ADAM11: variants seen among roughly 807,000 people sequenced by gnomAD.
The protein encoded by ADAM11 is ADAM metallopeptidase domain 11.
A neutral mutation model predicts 119.1 loss-of-function variants in ADAM11; 49 were observed. That is an observed-to-expected ratio of 0.41 (90% CI 0.33 to 0.52). The LOEUF is 0.52. ADAM11 is among the 20% of genes least tolerant of loss of function. The probability of loss-of-function intolerance (pLI) is 0.20; values close to 1 mark genes in which losing one functional copy is unlikely to be tolerated. For synonymous variants in ADAM11, 364 were observed against 408.0 expected, an observed-to-expected ratio of 0.89 and a Z score of 1.30; for missense variants, 777 against 1,047.5, an observed-to-expected ratio of 0.74 and a Z score of 3.56.
chr17:44,772,842 C>A lies in ADAM11; in HGVS notation c.679-15C>A. 2 of 1,612,456 alleles carry A rather than the reference C, an allele frequency of 1.2e-6. No homozygotes were observed. The highest frequency in any genetic ancestry group is 8.5e-7 in the Non-Finnish European group (1 of 1,178,798). On this transcript the variant is annotated splice_polypyrimidine_tract_variant and intron_variant, in intron 8 of 26. Coordinates refer to ENST00000200557, the MANE Select transcript of ADAM11 (RefSeq NM_002390.6). This position sits in a 1 kb window ranked among gnomAD's most constrained non-coding sequence, Gnocchi z 4.5. ...CATGGAAGGGACTGATTCCAAGTGC[C>A]CACCCACCCCCCAGGTCCGCCGGGG...
chr17:44,768,649 A>T lies in ADAM11; in HGVS notation c.238-1069A>T, dbSNP rs547494626. ...TTAGACCAGGGCCCGGCACACAAGA[A>T]GTGCTCGGTAAAGATTAGCAGTGAT... On this transcript the variant is annotated intron_variant, in intron 2 of 26. Coordinates refer to ENST00000200557, the MANE Select transcript of ADAM11 (RefSeq NM_002390.6). 3.9e-5 allele frequency among the ~76,000 whole-genome samples: 6 copies of T among 152,336 alleles called. 1 individual carries two copies. The South Asian group carries it at 1.2e-3, about 32-fold the overall frequency.
rs1598889113 is a variant in ADAM11 at position 44,772,174 on chromosome 17, T to G, written c.544-93T>G. The G allele has an allele frequency of 8.1e-7, 1 of 1,227,190 alleles. No homozygotes were observed. The highest frequency in any genetic ancestry group is 2.5e-5 in the East Asian group (1 of 39,462). 76.0% of individuals were successfully genotyped at this position (1,227,190 alleles called of 1,614,324 possible). On this transcript the variant is annotated intron_variant, in intron 6 of 26. Coordinates refer to ENST00000200557, the MANE Select transcript of ADAM11 (RefSeq NM_002390.6). The surrounding 1 kb of genome is among the most constrained non-coding windows in gnomAD (Gnocchi z 4.5). ...TGGCCAGTTCTGGGTCACCCCAGGG[T>G]GGGGTGGAGGCGAGGGCTGGATCTG... is the stretch of plus-strand genomic sequence containing the variant.
rs1163188741 is a variant in ADAM11 at position 44,771,625 on chromosome 17, G to A, written c.423G>A (p.Gly141=). The change falls in exon 5 of 27, where the codon GGG becomes GGA. Residue 141 remains glycine (G), a synonymous_variant. Transcript: ENST00000200557. ...DHCYYQGKLR[G]NPHSFAALST... Reference sequence around the variant, plus strand: ...GCTACTACCAGGGGAAGCTCCGGGGGAACCCGCACTCCTTCGCCGCCCTCT... The same window carrying A: ...GCTACTACCAGGGGAAGCTCCGGGGAAACCCGCACTCCTTCGCCGCCCTCT... The A allele has an allele frequency of 1.2e-6, 2 of 1,611,746 alleles. No homozygotes were observed. Among genetic ancestry groups the A allele is most frequent in the Non-Finnish European group, 1.7e-6 (2 of 1,179,390 alleles).
Position 44,781,587 on chromosome 17 carries a change from C to A in ADAM11, c.*1833C>A, listed in dbSNP as rs1005675286. The A allele has an allele frequency of 2.6e-5, 4 of 152,458 alleles. No homozygotes were observed. The highest frequency in any genetic ancestry group is 3.4e-3 in the Middle Eastern group (1 of 294). The allele number at this position is 152,458 out of a possible 1,614,324, so 9.4% of individuals were successfully genotyped here. A position where few individuals can be genotyped will look rare whatever the true frequency, so the allele number is the denominator to read the frequency against. On this transcript the variant is annotated 3_prime_UTR_variant, in exon 27 of 27. Transcript: ENST00000200557. The stretch of plus-strand genomic sequence containing the variant: ...AATACCTCTGCACATATGGGCGTAT[C>A]TGTGTGTGCTCGTGTATATGGGGTG...
At position 44,776,965 on chromosome 17, in the gene ADAM11, G is replaced by A. The variant is rs2049611632; in HGVS notation, c.1681+3G>A. The A allele has an allele frequency of 6.2e-7, 1 of 1,612,150 alleles. No individual in the cohort carries two copies. Among genetic ancestry groups the A allele is most frequent in the Non-Finnish European group, 8.5e-7 (1 of 1,178,426 alleles). On this transcript the variant is annotated splice_donor_region_variant and intron_variant, in intron 20 of 26. Transcript: ENST00000200557. The surrounding 1 kb of genome is among the most constrained non-coding windows in gnomAD (Gnocchi z 5.2). ...GTGCCAGGTTCTTTGGGGCCATGGT[G>A]AGTCTGGCTAGGGCTGGGAGTGGGG... is the stretch of plus-strand genomic sequence containing the variant.
rs1342384385 is a variant in ADAM11 at position 44,777,773 on chromosome 17, G to A, written c.1980G>A (p.Leu660=). ...EDGTACGPNM[L]CLDHRCLPAS... is the part of the protein sequence containing the mutation. ...GCACAGCCTGCGGGCCTAACATGTTGTGCCTGGACCATCGCTGCCTGCCAG... is the reference window on the plus strand; with the variant it reads ...GCACAGCCTGCGGGCCTAACATGTTATGCCTGGACCATCGCTGCCTGCCAG... Residue 660 remains leucine, a synonymous_variant, in exon 23 of 27, where the codon TTG becomes TTA. Transcript: ENST00000200557. The surrounding 1 kb of genome is among the most constrained non-coding windows in gnomAD (Gnocchi z 5.1). 6.2e-7 allele frequency: 1 copy of A among 1,614,032 alleles called. No individual in the cohort carries two copies. The highest frequency in any genetic ancestry group is 2.2e-5 in the East Asian group (1 of 44,878).
intron 4 of ADAM11, among the ~76,000 whole-genome samples, chr17:44,770,314 C>T (rs922954317): frequency 8.5e-5 from 13 of 152,170 alleles, no homozygotes; most frequent in African/African-American, 2.4e-5. Flanking sequence ...ACACTCGTTC[C>T]GAGCAGGCTG....
At chr17:44,779,322 C>T in intron 26 of ADAM11, 83 bp downstream of exon 26, 2 of 1,504,436 alleles carry the variant, frequency 1.3e-6, no homozygotes, top group Admixed American at 2.6e-5. Context: ...TCTCATTCGT[C>T]ACCCCGCGTT....
At position 44,771,785 on chromosome 17, in the gene ADAM11, A is replaced by T; in HGVS notation, c.497A>T (p.Tyr166Phe). 1 of 1,613,464 alleles carries T rather than the reference A, an allele frequency of 6.2e-7. No individual in the cohort carries two copies. Reference protein sequence around the residue: ...HGVFSDGNLTYIVEPQEVAGP... With the variant: ...HGVFSDGNLTFIVEPQEVAGP... ...GTCTTCTCTGATGGGAACTTGACTT[A>T]CATCGTGGAGCCCCAAGAGGTGGCT... Residue 166 changes from tyrosine to phenylalanine, a missense_variant, in exon 6 of 27, where the codon TAC becomes TTC. Tyr to Phe is a conservative substitution (Grantham distance 22). Transcript: ENST00000200557.
Position 44,775,615 on chromosome 17 carries a change from A to T in ADAM11, c.1424A>T (p.Lys475Met). 6.3e-7 allele frequency: 1 copy of T among 1,590,262 alleles called. No homozygotes were observed. Among genetic ancestry groups the T allele is most frequent in the Non-Finnish European group, 8.6e-7 (1 of 1,169,432 alleles). ...ECSRAGGNCC[K>M]KCTLTHDAMC... ...AGCCGCGCAGGTGGCAACTGCTGCA[A>T]GAAATGCACCCTGACTCACGACGCC... Residue 475 changes from lysine (K) to methionine (M), a missense_variant, in exon 17 of 27, where the codon AAG (lysine) becomes ATG (methionine). Physicochemically the swap from Lys to Met is moderately conservative, Grantham distance 95. Around this residue, in one of 4 missense-constraint regions of ADAM11, gnomAD observed 348 missense variants for 486.7 expected, o/e 0.72. Coordinates refer to ENST00000200557, the MANE Select transcript of ADAM11 (RefSeq NM_002390.6). The surrounding 1 kb of genome is among the most constrained non-coding windows in gnomAD (Gnocchi z 7.5).
rs1464212310 is a variant in ADAM11 at position 44,772,088 on chromosome 17, G to A, written c.544-179G>A. 6.6e-6 allele frequency among the ~76,000 whole-genome samples: 1 copy of A among 152,146 alleles called. No homozygotes were observed. The highest frequency in any genetic ancestry group is 2.4e-5 in the African/African-American group (1 of 41,436). On this transcript the variant is annotated intron_variant, in intron 6 of 26. Coordinates refer to ENST00000200557, the MANE Select transcript of ADAM11 (RefSeq NM_002390.6). This position sits in a 1 kb window ranked among gnomAD's most constrained non-coding sequence, Gnocchi z 4.5. Reference sequence around the variant, plus strand: ...GTCCTTTGCCCCTGTCTCTCAGGGTGCCCCCAGGTCTTGACCCCGGAATCT... The same window carrying A: ...GTCCTTTGCCCCTGTCTCTCAGGGTACCCCCAGGTCTTGACCCCGGAATCT...
Position 44,759,271 on chromosome 17 carries a change from C to T in ADAM11, c.61+11C>T, listed in dbSNP as rs1459816128. 4.3e-6 allele frequency: 6 copies of T among 1,388,502 alleles called. No individual in the cohort carries two copies. Among genetic ancestry groups the T allele is most frequent in the Non-Finnish European group, 5.6e-6 (6 of 1,075,232 alleles). The allele number at this position is 1,388,502 out of a possible 1,614,324, so 86.0% of individuals were successfully genotyped here. ...TGCTCCCCACGCCCGGTGAGTGACC[C>T]CCGCCCGGCCCCGGCGCCCCCTCCC... On this transcript the variant is annotated intron_variant, in intron 1 of 26. Transcript: ENST00000200557.
At chr17:44,764,698 C>A (rs1424947498) in intron 2 of ADAM11, among the ~76,000 whole-genome samples, 4 of 152,198 alleles carry the variant, frequency 2.6e-5, no homozygotes, top group Admixed American at 2.6e-4. Flanking sequence ...GCCAGTCATG[C>A]AGCCCCCTGA....
In ADAM11 at chr17:44,781,605, A is replaced by G. The variant is rs766449248; in HGVS notation, c.*1851A>G. ...GGCGTATCTGTGTGTGCTCGTGTAT[A>G]TGGGGTGGGGAACATGAGACTTCCT... On this transcript the variant is annotated 3_prime_UTR_variant, in exon 27 of 27. Transcript: ENST00000200557. The G allele has an allele frequency of 6.6e-6, 1 of 152,356 alleles. No individual in the cohort carries two copies. The highest frequency in any genetic ancestry group is 1.5e-5 in the Non-Finnish European group (1 of 68,132). 9.4% of individuals were successfully genotyped at this position (152,356 alleles called of 1,614,324 possible).
At position 44,774,326 on chromosome 17, in the gene ADAM11, G is replaced by A. The variant is rs752552052; in HGVS notation, c.1024G>A (p.Ala342Thr). Residue 342 changes from alanine to threonine, a missense_variant, in exon 12 of 27, where the codon GCA (alanine) becomes ACA (threonine). Coordinates refer to ENST00000200557, the MANE Select transcript of ADAM11 (RefSeq NM_002390.6). ...GRTFQSTSSG[A>T]AYVGGICSLS... Reference sequence around the variant, plus strand: ...GACCTTCCAGAGCACGAGCAGCGGGGCAGCCTACGTGGGGGGCATATGCTC... The same window carrying A: ...GACCTTCCAGAGCACGAGCAGCGGGACAGCCTACGTGGGGGGCATATGCTC... 5.8e-5 allele frequency: 85 copies of A among 1,475,192 alleles called. 2 individuals are homozygous for A. The South Asian group carries it at 1.1e-3, about 20-fold the overall frequency. 91.4% of individuals were successfully genotyped at this position (1,475,192 alleles called of 1,614,324 possible).
chr17:44,766,993 C>T (rs1223024416), intron 2 of ADAM11, among the ~76,000 whole-genome samples: 1 of 150,226 alleles, frequency 6.7e-6, no homozygotes. Flanking sequence ...TGGTCTGAGC[C>T]CAGGAGTTCA....
intron 2 of ADAM11, among the ~76,000 whole-genome samples, chr17:44,767,066 AAAAG>A (rs2049459279): frequency 6.6e-6 from 1 of 152,096 alleles, no homozygotes; most frequent in Non-Finnish European, 1.5e-5. Context: ...TAATTTTAAA[AAAAG>A]AACATTCGCT....
chr17:44,763,424 A>G (rs1043543965), intron 2 of ADAM11, among the ~76,000 whole-genome samples: 18 of 152,238 alleles, frequency 1.2e-4, no homozygotes, highest in Non-Finnish European at 1.8e-4. Flanking sequence ...AAAGAGACAC[A>G]GATGCACCCT....
chr17:44,765,540 CT>C (rs1439512738), intron 2 of ADAM11, among the ~76,000 whole-genome samples: 1 of 151,738 alleles, frequency 6.6e-6, no homozygotes, highest in Non-Finnish European at 1.5e-5. Flanking sequence ...ATTATTGACC[CT>C]TATGATACCA....
Sources: allele counts gnomAD v4.1 joint callset (sites outside exome capture counted in the v4.1 genomes callset), GRCh38; gene constraint gnomAD v4.1.1; regional missense constraint gnomAD v4.1.1; non-coding constraint Gnocchi (gnomAD v3.1); transcripts MANE v1.5; gene names NCBI Gene and HGNC (gene_info 2026-07-23, HGNC 2026-07-21).